Variants in PRKDC observed in about 807,000 individuals in gnomAD.
The protein encoded by PRKDC is DNA-dependent protein kinase catalytic subunit.
In PRKDC, 82 loss-of-function variants were observed where a neutral mutation model predicts 486.9. That is an observed-to-expected ratio of 0.17 (90% CI 0.14 to 0.20). The LOEUF is 0.20. Among genes scored for constraint, PRKDC ranks in the 10% least tolerant of loss-of-function variants. The probability of loss-of-function intolerance (pLI) is 1.00; values close to 1 mark genes in which losing one functional copy is unlikely to be tolerated. For synonymous variants in PRKDC, 1,895 were observed against 1,837.0 expected, an observed-to-expected ratio of 1.03 and a Z score of -0.81; for missense variants, 4,504 against 5,038.2, an observed-to-expected ratio of 0.89 and a Z score of 3.21.
chr8:47,837,271 T>A lies in PRKDC; in HGVS notation c.7702A>T (p.Met2568Leu). The A allele has an allele frequency of 1.9e-6, 3 of 1,613,920 alleles. No individual in the cohort carries two copies. The highest frequency in any genetic ancestry group is 8.5e-7 in the Non-Finnish European group (1 of 1,179,852). Residue 2568 changes from methionine to leucine, a missense_variant, in exon 57 of 86, where the codon ATG becomes TTG. Met to Leu is a conservative substitution (Grantham distance 15). Transcript: ENST00000314191. ...ATNFLLEMTS[M>L]SPDYPNPMFE... ...ATGGGGTTTGGATAATCTGGGCTCA[T>A]GCTGGTCATTTCGAGCAGAAAATTT...
rs575619095 is a variant in PRKDC, at chr8:47,906,960, A to C, written c.2935-1984T>G. On this transcript the variant is annotated intron_variant, in intron 25 of 85. Transcript: ENST00000314191. ...TATGAAGCAATTTTTAAAATTAATC[A>C]ATATAAAAGGGTCTTAACTTTCAGT... 6.6e-5 allele frequency among the ~76,000 whole-genome samples: 10 copies of C among 151,636 alleles called. No individual in the cohort carries two copies. In the South Asian group the frequency reaches 1.9e-3, roughly 28 times the overall value.
At chr8:47,806,373 C>T (rs2087215671) in intron 69 of PRKDC, among the ~76,000 whole-genome samples, 1 of 152,214 alleles carries the variant, frequency 6.6e-6, no homozygotes, top group Non-Finnish European at 1.5e-5. Context: ...CCCTGCTTTT[C>T]TCTCATCCAG....
At chr8:47,862,196 A>G (rs1442990106) in intron 43 of PRKDC, 69 bp from the exon 44 acceptor site, 1 of 1,442,604 alleles carries the variant, frequency 6.9e-7, no homozygotes, top group Non-Finnish European at 9.4e-7. Context: ...GTTACTTTAG[A>G]ATTAATGCTA....
chr8:47,849,412 T>G lies in PRKDC; in HGVS notation c.7097A>C (p.Lys2366Thr). Residue 2366 changes from lysine (K) to threonine (T), a missense_variant, in exon 53 of 86, where the codon AAA becomes ACA. Lys to Thr is a moderately conservative substitution (Grantham distance 78). Around this residue, in one of 6 missense-constraint regions of PRKDC, gnomAD observed 1,592 missense variants for 1,724.6 expected, o/e 0.92. Transcript: ENST00000314191. ...AAGAGGAGGGAAGCTCTTGGTCACT[T>G]TGTTCAAGCACACAATAAACTTGTC... ...MEDKFIVCLN[K>T]VTKSFPPLAD... 6.2e-7 allele frequency: 1 copy of G among 1,614,034 alleles called. No homozygotes were observed. Among genetic ancestry groups the G allele is most frequent in the African/African-American group, 1.3e-5 (1 of 75,052 alleles).
At position 47,885,845 on chromosome 8, in the gene PRKDC, T is replaced by C. The variant is rs565639070; in HGVS notation, c.4776+99A>G. 38 of 1,157,190 alleles carry C rather than the reference T, an allele frequency of 3.3e-5. No homozygotes were observed. The East Asian group carries it at 8.0e-4, about 24-fold the overall frequency. 71.7% of individuals were successfully genotyped at this position (1,157,190 alleles called of 1,614,324 possible). A position where few individuals can be genotyped will look rare whatever the true frequency, so the allele number is the denominator to read the frequency against. ...ATGCAGAGGTTGCAGTCAGCAGAGA[T>C]CGTGCCACTGCACTCCAGCCTGGGC... On this transcript the variant is annotated intron_variant, in intron 36 of 85. Coordinates refer to ENST00000314191, the MANE Select transcript of PRKDC (RefSeq NM_006904.7).
intron 31 of PRKDC, among the ~76,000 whole-genome samples, chr8:47,891,023 T>C (rs536121788): frequency 3.9e-4 from 59 of 152,176 alleles, no homozygotes; most frequent in Non-Finnish European, 7.9e-4. Context: ...TCTTATGGAA[T>C]CAACTTTCAG....
At chr8:47,871,822 C>T (rs1345326270) in intron 40 of PRKDC, among the ~76,000 whole-genome samples, 3 of 151,728 alleles carry the variant, frequency 2.0e-5, no homozygotes, top group South Asian at 2.1e-4. Context: ...AACTCCTGAC[C>T]TCAGGAGATC....
chr8:47,941,249 A>G (rs1243238271), intron 10 of PRKDC, among the ~76,000 whole-genome samples: 1 of 152,106 alleles, frequency 6.6e-6, no homozygotes, highest in Non-Finnish European at 1.5e-5. Context: ...TCCTTTATGT[A>G]AAGTCCTCTT....
chr8:47,835,084 C>T (rs2087985133), intron 58 of PRKDC, among the ~76,000 whole-genome samples: 1 of 152,084 alleles, frequency 6.6e-6, no homozygotes, highest in South Asian at 2.1e-4. Flanking sequence ...AAAAATTACA[C>T]AAAGGAGAAA....
rs367996654 is a variant in PRKDC at position 47,782,329 on chromosome 8, G to A, written c.11396+49C>T. On this transcript the variant is annotated intron_variant, in intron 79 of 85. Coordinates refer to ENST00000314191, the MANE Select transcript of PRKDC (RefSeq NM_006904.7). The surrounding 1 kb of genome is among the most constrained non-coding windows in gnomAD (Gnocchi z 4.9). ...TCACTAGAAAAACAGTCCCGTGGAC[G>A]CCAAGCAATATGCAGCAGCCTACTG... is the stretch of plus-strand genomic sequence containing the variant. 392 of 1,610,090 alleles carry A rather than the reference G, an allele frequency of 2.4e-4. No individual in the cohort carries two copies. The highest frequency in any genetic ancestry group is 3.0e-4 in the Non-Finnish European group (351 of 1,177,314).
rs962875456 is a variant in PRKDC, at chr8:47,933,980, G to A, written c.1608C>T (p.Ser536=). Residue 536 remains serine (S), a synonymous_variant, in exon 15 of 86, where the codon AGC becomes AGT. Coordinates refer to ENST00000314191, the MANE Select transcript of PRKDC (RefSeq NM_006904.7). ...TAAATGTTACCATCATCTGGTCAGA[G>A]CTCAGGAGATGTCTGAAGAGATCCA... The part of the protein sequence containing the change: ...DYVDLFRHLL[S]SDQMMDSILA... 9 of 1,612,802 alleles carry A rather than the reference G, an allele frequency of 5.6e-6. No individual in the cohort carries two copies. The South Asian group carries it at 9.9e-5, about 18-fold the overall frequency.
chr8:47,926,525 T>C (rs2090160330), intron 21 of PRKDC, among the ~76,000 whole-genome samples: 1 of 152,222 alleles, frequency 6.6e-6, no homozygotes, highest in Non-Finnish European at 1.5e-5. Context: ...GTGAAGATAG[T>C]AAAGCTTAAA....
Position 47,817,451 on chromosome 8 carries a change from G to A in PRKDC, c.9556C>T (p.Arg3186Ter), listed in dbSNP as rs1404783623. The A allele has an allele frequency of 6.3e-7, 1 of 1,583,672 alleles. No individual in the cohort carries two copies. The highest frequency in any genetic ancestry group is 8.6e-7 in the Non-Finnish European group (1 of 1,158,540). The change falls in exon 68 of 86, where the codon CGA (arginine) becomes TGA (stop). Residue 3186 changes from arginine to a stop codon, truncating the protein, a stop_gained and splice_region_variant. Coordinates refer to ENST00000314191, the MANE Select transcript of PRKDC (RefSeq NM_006904.7). LOFTEE classifies it high-confidence loss of function. ...TGACTGAAAGGGACCACGTCTTACC[G>A]ATTTGTGATGATGTCATCCCAGATG... ...MNIWDDIITN[R>*]CFFLSKIEEK...
chr8:47,935,510 T>C (rs1452286905), intron 13 of PRKDC, among the ~76,000 whole-genome samples: 1 of 150,200 alleles, frequency 6.7e-6, no homozygotes, highest in African/African-American at 2.5e-5. Context: ...CCAAAAAAAA[T>C]GAAAAAAAAC....
intron 29 of PRKDC, among the ~76,000 whole-genome samples, chr8:47,897,949 G>A (rs1460505815): frequency 6.6e-6 from 1 of 152,148 alleles, no homozygotes; most frequent in Admixed American, 6.5e-5. Context: ...GGCTTATGGA[G>A]GGCACTCACC....
At chr8:47,922,590 G>A (rs753599071) in intron 21 of PRKDC, among the ~76,000 whole-genome samples, 37 of 152,082 alleles carry the variant, frequency 2.4e-4, no homozygotes, top group Non-Finnish European at 4.3e-4. Flanking sequence ...GATTACAGGT[G>A]TGAGCCACTG....
intron 38 of PRKDC, among the ~76,000 whole-genome samples, chr8:47,880,488 T>C (rs1457292929): frequency 6.6e-6 from 1 of 152,164 alleles, no homozygotes; most frequent in Non-Finnish European, 1.5e-5. Context: ...TCCAAAGAAT[T>C]ATCCCCTTTA....
intron 60 of PRKDC, 145 bp downstream of exon 60, chr8:47,831,668 GC>G (rs2087879529): frequency 2.6e-6 from 2 of 772,532 alleles, no homozygotes; most frequent in Admixed American, 2.1e-5. Context: ...CTGTGGGGGA[GC>G]CCCAGGAGGC....
intron 54 of PRKDC, among the ~76,000 whole-genome samples, chr8:47,846,415 CAAAAA>C (rs200554979): frequency 1.7e-5 from 1 of 59,706 alleles, no homozygotes; most frequent in Non-Finnish European, 3.6e-5. Flanking sequence ...GACTCTGCCT[CAAAAA>C]AAAAAAAAAA....
Sources: allele counts gnomAD v4.1 joint callset (sites outside exome capture counted in the v4.1 genomes callset), GRCh38; gene constraint gnomAD v4.1.1; regional missense constraint gnomAD v4.1.1; non-coding constraint Gnocchi (gnomAD v3.1); transcripts MANE v1.5; gene names NCBI Gene and HGNC (gene_info 2026-07-23, HGNC 2026-07-21).